Variants in EDARADD observed in about 807,000 individuals in gnomAD.
The protein encoded by EDARADD is EDAR associated via death domain, also known as ectodysplasin-A receptor-associated adapter protein.
Under a neutral mutation model 25.6 loss-of-function variants are expected in EDARADD, and 20 were observed. The observed-to-expected ratio is 0.78, with a 90% CI of 0.55 to 1.14. The LOEUF (loss-of-function observed/expected upper bound fraction) is 1.14. Among genes scored for constraint, EDARADD ranks in the 50% most tolerant of loss-of-function variants. EDARADD has a pLI of 0.00. For synonymous variants in EDARADD, 86 were observed against 94.4 expected (o/e 0.91, Z 0.52); for missense variants, 225 against 270.1 (o/e 0.83, Z 1.17).
intron 1 of EDARADD, among the ~76,000 whole-genome samples, chr1:236,399,297 T>C (rs1337041519): frequency 6.6e-6 from 1 of 152,188 alleles, no homozygotes; most frequent in East Asian, 1.9e-4. Context: ...TTCTCCTGCC[T>C]TAGCCTCCCA....
At chr1:236,400,157 T>C (rs984278563) in intron 1 of EDARADD, among the ~76,000 whole-genome samples, 10 of 152,222 alleles carry the variant, frequency 6.6e-5, no homozygotes, top group African/African-American at 1.4e-4. Context: ...GTTTTCCCAA[T>C]GCTCACTTCA....
intron 3 of EDARADD, among the ~76,000 whole-genome samples, chr1:236,365,344 A>G (rs1483781215): frequency 6.6e-6 from 1 of 152,074 alleles, no homozygotes. Context: ...TATCTTTTGT[A>G]GAAACAAGGT....
intron 4 of EDARADD, among the ~76,000 whole-genome samples, chr1:236,435,596 G>A (rs1452567043): frequency 6.6e-6 from 1 of 152,220 alleles, no homozygotes; most frequent in Non-Finnish European, 1.5e-5. Flanking sequence ...ACTTGCAAGA[G>A]TTAAGAAGTG....
chr1:236,428,679 T>C (rs1247925030), intron 4 of EDARADD, among the ~76,000 whole-genome samples: 19 of 97,200 alleles, frequency 2.0e-4, no homozygotes, highest in African/African-American at 5.0e-4. Flanking sequence ...GAGGCGCTCC[T>C]CACTTCCCAG....
chr1:236,349,693 C>G (rs532628821), intron 2 of EDARADD, among the ~76,000 whole-genome samples: 21 of 146,478 alleles, frequency 1.4e-4, no homozygotes, highest in African/African-American at 5.0e-4. Context: ...GGAAGTTCTC[C>G]GATAGCAGAC....
chr1:236,392,088 C>T (rs894275414), upstream of EDARADD, among the ~76,000 whole-genome samples: 1 of 152,192 alleles, frequency 6.6e-6, no homozygotes, highest in Admixed American at 6.5e-5. Flanking sequence ...TGGATTTCCC[C>T]AGGGCTTGGA....
Position 236,363,348 on chromosome 1 carries a change from G to A in EDARADD, c.-6+12509G>A, listed in dbSNP as rs376307370. Among the ~76,000 whole-genome samples the A allele has an allele frequency of 2.0e-5, 3 of 151,808 alleles. No individual in the cohort carries two copies. The South Asian group carries it at 6.2e-4, about 32-fold the overall frequency. ...GTGGGAGTGATTAGATCATAGGGGC[G>A]GATTTCCCTCTTGGTGCTGTTCTGG... On this transcript the variant is annotated intron_variant, in intron 3 of 7. Coordinates refer to the EDARADD transcript ENST00000439430.
At chr1:236,401,499 T>C (rs1160254695) in intron 1 of EDARADD, among the ~76,000 whole-genome samples, 1 of 152,194 alleles carries the variant, frequency 6.6e-6, no homozygotes, top group Non-Finnish European at 1.5e-5. Context: ...TTTCGGGTTA[T>C]GTGCTGAGGA....
rs563864823 is a variant in EDARADD, at chr1:236,484,335, G to A, written c.*1686G>A. ...TGACCTGGTGGTGGGGCTGTGACCT[G>A]GGCAGCTCAAGACTGGTGCCCCTTG... On this transcript the variant is annotated 3_prime_UTR_variant, in exon 6 of 6. Transcript: ENST00000334232. This position sits in a 1 kb window ranked among gnomAD's most constrained non-coding sequence, Gnocchi z 4.1. 5.0e-5 allele frequency: 67 copies of A among 1,351,030 alleles called. No individual in the cohort carries two copies. The highest frequency in any genetic ancestry group is 6.7e-5 in the Non-Finnish European group (63 of 941,074). The allele number at this position is 1,351,030 out of a possible 1,614,324, so 83.7% of individuals were successfully genotyped here. A position where few individuals can be genotyped will look rare whatever the true frequency, so the allele number is the denominator to read the frequency against.
intron 3 of EDARADD, among the ~76,000 whole-genome samples, chr1:236,368,867 T>C (rs1667143248): frequency 6.6e-6 from 1 of 152,242 alleles, no homozygotes; most frequent in South Asian, 2.1e-4. Context: ...GTATCAATCA[T>C]TTGACAATCC....
intron 4 of EDARADD, among the ~76,000 whole-genome samples, chr1:236,448,979 G>A (rs1276136262): frequency 6.6e-6 from 1 of 152,132 alleles, no homozygotes; most frequent in Non-Finnish European, 1.5e-5. Context: ...GAGATTTATG[G>A]TCTCCCAGTT....
intron 5 of EDARADD, among the ~76,000 whole-genome samples, chr1:236,478,883 G>C (rs965165905): frequency 6.6e-6 from 1 of 152,220 alleles, no homozygotes; most frequent in African/African-American, 2.4e-5. Flanking sequence ...ACCGCGCCCA[G>C]CGAGACTGTT....
In EDARADD at chr1:236,362,206, T is replaced by C. The variant is rs1176632625; in HGVS notation, c.-6+11367T>C. Among the ~76,000 whole-genome samples, 15 of 152,104 alleles carry C rather than the reference T, an allele frequency of 9.9e-5. 1 individual carries two copies. The highest frequency in any genetic ancestry group is 2.2e-4 in the Non-Finnish European group (15 of 68,022). On this transcript the variant is annotated intron_variant, in intron 3 of 7. Coordinates refer to the EDARADD transcript ENST00000439430. ...GCTCGCACCTTGGCCTCCCAAAGTA[T>C]TGGGATTACTTGTCATCTTTTTAAA...
chr1:236,458,528 C>T lies in EDARADD; in HGVS notation c.220-9703C>T, dbSNP rs574330888. On this transcript the variant is annotated intron_variant, in intron 4 of 5. Coordinates refer to ENST00000334232, the MANE Select transcript of EDARADD (RefSeq NM_145861.4). ...TGGGGAGTGAGATGGGATTGAGAGA[C>T]GTAATAATAGATTGAGAGAAAAAGA... is the stretch of plus-strand genomic sequence containing the variant. Among the ~76,000 whole-genome samples the T allele has an allele frequency of 5.9e-5, 9 of 151,614 alleles. No individual in the cohort carries two copies. In the East Asian group the frequency reaches 7.7e-4, roughly 13 times the overall value.
In EDARADD at chr1:236,474,006, T is replaced by C. The variant is rs80301479; in HGVS notation, c.265+5730T>C. ...AAATGGCATCTTGTCCCTCATCTCA[T>C]TTAGTCCAAGCGATACAGGAAATGC... On this transcript the variant is annotated intron_variant, in intron 5 of 5. Coordinates refer to ENST00000334232, the MANE Select transcript of EDARADD (RefSeq NM_145861.4). 3.3e-5 allele frequency among the ~76,000 whole-genome samples: 5 copies of C among 152,252 alleles called. No homozygotes were observed. The East Asian group carries it at 9.7e-4, about 29-fold the overall frequency.
intron 1 of EDARADD, among the ~76,000 whole-genome samples, chr1:236,394,884 C>A (rs1667485572): frequency 6.6e-6 from 1 of 152,124 alleles, no homozygotes; most frequent in African/African-American, 2.4e-5. Context: ...CTGAGAGAAC[C>A]CGAAGCTGTT....
In EDARADD at chr1:236,483,474, T is replaced by G; in HGVS notation, c.*825T>G. ...AGAGATGGATGGAACAGAAAATAAATCTAAATTTGGTGCAAATGCCATTCT... is the reference window on the plus strand; with the variant it reads ...AGAGATGGATGGAACAGAAAATAAAGCTAAATTTGGTGCAAATGCCATTCT... On this transcript the variant is annotated 3_prime_UTR_variant, in exon 6 of 6. Coordinates refer to ENST00000334232, the MANE Select transcript of EDARADD (RefSeq NM_145861.4). 1 of 1,036,100 alleles carries G rather than the reference T, an allele frequency of 9.7e-7. No homozygotes were observed. The highest frequency in any genetic ancestry group is 1.3e-5 in the South Asian group (1 of 79,414). The allele number at this position is 1,036,100 out of a possible 1,614,324, so 64.2% of individuals were successfully genotyped here. A position where few individuals can be genotyped will look rare whatever the true frequency, so the allele number is the denominator to read the frequency against.
intron 3 of EDARADD, among the ~76,000 whole-genome samples, chr1:236,388,010 A>AC (rs1558106738): frequency 8.2e-5 from 1 of 12,130 alleles, no homozygotes; most frequent in African/African-American, 2.2e-4. Flanking sequence ...AAAATAAATT[A>AC]AAAAAAAAAA....
intron 3 of EDARADD, among the ~76,000 whole-genome samples, chr1:236,355,963 C>A (rs1191810466): frequency 6.6e-6 from 1 of 152,002 alleles, no homozygotes; most frequent in Non-Finnish European, 1.5e-5. Context: ...AGGGCTGTAT[C>A]ACAGGCAAAA....
Sources: gnomAD v4.1 joint callset for allele counts (sites outside exome capture counted in the v4.1 genomes callset) on GRCh38, gnomAD v4.1.1 for gene constraint, Gnocchi (gnomAD v3.1) non-coding constraint, MANE v1.5 for transcripts, NCBI Gene and HGNC (gene_info 2026-07-23, HGNC 2026-07-21) for gene names.